The following GPR89B variants were observed in gnomAD, a reference collection of about 807,000 sequenced individuals.
The protein encoded by GPR89B is golgi pH regulator B.
In GPR89B, 25 loss-of-function variants were observed where a neutral mutation model predicts 52.4. The observed-to-expected ratio is 0.48, with a 90% CI of 0.35 to 0.67. The LOEUF (loss-of-function observed/expected upper bound fraction) is 0.67. GPR89B is among the 30% of genes least tolerant of loss of function. GPR89B has a pLI of 0.01. For synonymous variants in GPR89B, 52 were observed against 151.2 expected, an observed-to-expected ratio of 0.34 and a Z score of 4.81; for missense variants, 146 against 450.2, an observed-to-expected ratio of 0.32 and a Z score of 6.11.
the GPR89B span, among the ~76,000 whole-genome samples, chr1:148,023,295 G>A: frequency 6.8e-6 from 1 of 146,198 alleles, no homozygotes; most frequent in Non-Finnish European, 1.5e-5. Flanking sequence ...TGGGTGTGCA[G>A]TATTCCATGT....
intron 10 of GPR89B, among the ~76,000 whole-genome samples, chr1:147,981,593 T>G (rs1439499076): frequency 6.6e-6 from 1 of 151,010 alleles, no homozygotes; most frequent in Admixed American, 6.6e-5. Context: ...TGATGTACAT[T>G]AGGATTGTTT....
rs1217901037 is a variant in GPR89B at position 147,956,741 on chromosome 1, A to ATTT, written c.617+2351_617+2353dup. ...AAAGAATGGAATATTGTCTATTGTGATTTTTTTTTTTTTTAAGACGGAGTC... is the reference window on the plus strand; with the variant it reads ...AAAGAATGGAATATTGTCTATTGTGATTTTTTTTTTTTTTTTTAAGACGGAGTC... On this transcript the variant is annotated intron_variant, in intron 7 of 13. Transcript: ENST00000314163. 3.4e-3 allele frequency among the ~76,000 whole-genome samples: 497 copies of ATTT among 144,720 alleles called. 2 individuals carry two copies. The highest frequency in any genetic ancestry group is 0.012 in the African/African-American group (462 of 39,640). 94.9% of individuals were successfully genotyped at this position (144,720 alleles called of 152,430 possible).
intron 1 of GPR89B, among the ~76,000 whole-genome samples, chr1:147,932,916 T>C (rs1553247265): frequency 2.0e-5 from 3 of 152,178 alleles, no homozygotes; most frequent in Admixed American, 6.5e-5. Flanking sequence ...TCAATCTTGA[T>C]TCTGACACTT....
chr1:147,989,427 CTT>C (rs1170851684), intron 12 of GPR89B, among the ~76,000 whole-genome samples: 256 of 139,406 alleles, frequency 1.8e-3, no homozygotes, highest in East Asian at 6.3e-3. Flanking sequence ...CAACTATTTT[CTT>C]TTTTTTTTTT....
At chr1:147,933,136 T>G (rs1476896045) in intron 1 of GPR89B, among the ~76,000 whole-genome samples, 3 of 151,986 alleles carry the variant, frequency 2.0e-5, no homozygotes, top group African/African-American at 7.3e-5. Context: ...ATCCTTCTCA[T>G]CTTTTTCTCC....
At chr1:148,006,369 A>G in the GPR89B span, among the ~76,000 whole-genome samples, 1 of 152,164 alleles carries the variant, frequency 6.6e-6, no homozygotes, top group Non-Finnish European at 1.5e-5. Flanking sequence ...TAGGCTAACA[A>G]GGACAGGCAC....
At chr1:148,014,553 G>C in the GPR89B span, 1 of 151,628 alleles carries the variant, frequency 6.6e-6, no homozygotes, top group Admixed American at 6.6e-5. Context: ...CCCCCTTCCT[G>C]ACCACTGTAT....
At position 147,993,388 on chromosome 1, in the gene GPR89B, T is replaced by C. The variant is rs1462579839; in HGVS notation, c.*471T>C. The stretch of plus-strand genomic sequence containing the variant: ...ATCAAGCATAGCTTGGTATTTATTA[T>C]GCTTGTGTGATCTAACATGAGTTAG... On this transcript the variant is annotated 3_prime_UTR_variant, in exon 14 of 14. Transcript: ENST00000314163. 2 of 241,218 alleles carry C rather than the reference T, an allele frequency of 8.3e-6. No homozygotes were observed. The highest frequency in any genetic ancestry group is 1.1e-4 in the East Asian group (1 of 9,256). The allele number at this position is 241,218 out of a possible 1,614,324, so 14.9% of individuals were successfully genotyped here.
chr1:147,963,451 C>T (rs1292700627), intron 7 of GPR89B, among the ~76,000 whole-genome samples: 1 of 148,908 alleles, frequency 6.7e-6, no homozygotes, highest in Non-Finnish European at 1.5e-5. Context: ...TTGCAAGCCA[C>T]TTATTTGAGA....
At chr1:147,929,769 TCC>T (rs1653383479) in intron 1 of GPR89B, among the ~76,000 whole-genome samples, 1 of 150,210 alleles carries the variant, frequency 6.7e-6, no homozygotes, top group Non-Finnish European at 1.5e-5. Context: ...CCATCCATAA[TCC>T]TACCGCTCTA....
At chr1:148,002,287 C>A in the GPR89B span, among the ~76,000 whole-genome samples, 3 of 152,130 alleles carry the variant, frequency 2.0e-5, no homozygotes, top group African/African-American at 7.2e-5. Flanking sequence ...ATTGCTAAGT[C>A]CTCTGATGCT....
In GPR89B at chr1:147,963,548, T is replaced by C. The variant is rs1196121115; in HGVS notation, c.618-3006T>C. 6.6e-4 allele frequency among the ~76,000 whole-genome samples: 101 copies of C among 152,212 alleles called. No homozygotes were observed. In the South Asian group the frequency reaches 0.01, roughly 16 times the overall value. The stretch of plus-strand genomic sequence containing the variant: ...AAATAAGCAAAAATGATGAACATTT[T>C]ATTGTAGAGGATATACAAATGGCAC... On this transcript the variant is annotated intron_variant, in intron 7 of 13. Transcript: ENST00000314163.
At chr1:147,975,532 G>C (rs879111965) in intron 10 of GPR89B, among the ~76,000 whole-genome samples, 21 of 151,636 alleles carry the variant, frequency 1.4e-4, no homozygotes, top group Non-Finnish European at 2.9e-4. Context: ...CATTTTTTTT[G>C]TGTCTGTTTG....
chr1:147,988,091 G>A (rs1313999504), intron 11 of GPR89B, among the ~76,000 whole-genome samples: 168 of 152,060 alleles, frequency 1.1e-3, no homozygotes, highest in African/African-American at 3.9e-3. Flanking sequence ...GGTGACTCAT[G>A]CCTGTAGTAC....
the GPR89B span, among the ~76,000 whole-genome samples, chr1:148,004,886 AACACACAC>A: frequency 9.3e-3 from 1,036 of 111,880 alleles, 4 homozygotes; most frequent in African/African-American, 0.024. Flanking sequence ...ATCTCTACAA[AACACACAC>A]ACACACACAC....
At chr1:148,018,547 A>G in the GPR89B span, among the ~76,000 whole-genome samples, 16 of 151,626 alleles carry the variant, frequency 1.1e-4, no homozygotes, top group African/African-American at 3.4e-4. Context: ...CCAACATAAC[A>G]CTAATTACTG....
the GPR89B span, among the ~76,000 whole-genome samples, chr1:148,006,213 A>G: frequency 1.4e-5 from 2 of 146,440 alleles, no homozygotes; most frequent in African/African-American, 5.2e-5. Context: ...TGCACCAGAA[A>G]GCGCTAAAAC....
At chr1:147,930,410 A>G (rs587742426) in intron 1 of GPR89B, among the ~76,000 whole-genome samples, 6 of 152,108 alleles carry the variant, frequency 3.9e-5, no homozygotes, top group African/African-American at 1.4e-4. Flanking sequence ...CTTGGCATTT[A>G]TTACTATGGT....
Position 147,968,974 on chromosome 1 carries a change from A to G in GPR89B, c.816+11A>G, listed in dbSNP as rs1405538181. ...CTATATGCTACCAAGGTACAGAGCA[A>G]GGAAACTGAAGTGTGGTTTTTACCA... On this transcript the variant is annotated intron_variant, in intron 9 of 13. Coordinates refer to ENST00000314163, the MANE Select transcript of GPR89B (RefSeq NM_016334.5). 1 of 1,579,990 alleles carries G rather than the reference A, an allele frequency of 6.3e-7. No individual in the cohort carries two copies. The highest frequency in any genetic ancestry group is 1.4e-5 in the African/African-American group (1 of 72,038).
Sources: allele counts gnomAD v4.1 joint callset (sites outside exome capture counted in the v4.1 genomes callset), GRCh38; gene constraint gnomAD v4.1.1; transcripts MANE v1.5; gene names NCBI Gene and HGNC (gene_info 2026-07-23, HGNC 2026-07-21).